PXDNL: variants seen among roughly 807,000 people sequenced by gnomAD.
The protein encoded by PXDNL is probable oxidoreductase PXDNL.
A neutral mutation model predicts 150.8 loss-of-function variants in PXDNL; 145 were observed. The ratio of observed to expected loss-of-function variants is 0.96; its 90% CI spans 0.84 to 1.10. The LOEUF is 1.10. Among genes scored for constraint, PXDNL ranks in the 50% least tolerant of loss-of-function variants. PXDNL has a pLI of 0.00. For synonymous variants in PXDNL, 757 were observed against 725.7 expected, an observed-to-expected ratio of 1.04 and a Z score of -0.69; for missense variants, 2,087 against 1,873.9, an observed-to-expected ratio of 1.11 and a Z score of -2.10.
intron 14 of PXDNL, among the ~76,000 whole-genome samples, chr8:51,420,577 G>A (rs10111324): frequency 0.038 from 5,763 of 152,170 alleles, 340 homozygotes; most frequent in African/African-American, 0.13. Context: ...TTATTTTACT[G>A]TATTATTATC....
Position 51,452,937 on chromosome 8 carries a change from C to CACATACACACACACACACAA in PXDNL, c.1249+581_1249+582insTTGTGTGTGTGTGTGTATGT, listed in dbSNP as rs1554541855. Among the ~76,000 whole-genome samples, 504 of 149,960 alleles carry CACATACACACACACACACAA rather than the reference C, an allele frequency of 3.4e-3. 5 individuals carry two copies. Among genetic ancestry groups the CACATACACACACACACACAA allele is most frequent in the Middle Eastern group, 0.014 (4 of 292 alleles). On this transcript the variant is annotated intron_variant, in intron 10 of 22. Coordinates refer to ENST00000356297, the MANE Select transcript of PXDNL (RefSeq NM_144651.5). ...ACACACACAAACGCACACACACAAACACACACACACACACACACATGCACG... is the reference window on the plus strand; with the variant it reads ...ACACACACAAACGCACACACACAAACACATACACACACACACACAAACACACACACACACACACATGCACG...
chr8:51,755,136 G>A (rs576571342), intron 1 of PXDNL, among the ~76,000 whole-genome samples: 1 of 152,224 alleles, frequency 6.6e-6, no homozygotes, highest in African/African-American at 2.4e-5. Flanking sequence ...TGAACAAAAG[G>A]ACAAATGGGC....
chr8:51,507,087 T>G (rs1429734150), intron 4 of PXDNL, among the ~76,000 whole-genome samples: 1 of 152,150 alleles, frequency 6.6e-6, no homozygotes, highest in Non-Finnish European at 1.5e-5. Context: ...ACTTATTGAG[T>G]GCCCGTGAAG....
intron 12 of PXDNL, among the ~76,000 whole-genome samples, chr8:51,433,237 A>G (rs1206417926): frequency 2.0e-5 from 3 of 149,144 alleles, no homozygotes; most frequent in Admixed American, 6.7e-5. Flanking sequence ...TAATAATAAT[A>G]ATAATAATAA....
At chr8:51,761,016 G>A (rs192688785) in intron 1 of PXDNL, among the ~76,000 whole-genome samples, 5,519 of 142,750 alleles carry the variant, frequency 0.039, 408 homozygotes, top group African/African-American at 0.14. Context: ...CCGCCACAAC[G>A]CCCGGCTAAT....
chr8:51,741,817 G>C (rs189505524), intron 1 of PXDNL, among the ~76,000 whole-genome samples: 35 of 152,302 alleles, frequency 2.3e-4, no homozygotes, highest in African/African-American at 7.9e-4. Context: ...CACAATTCTG[G>C]AAAATAATGT....
intron 19 of PXDNL, among the ~76,000 whole-genome samples, chr8:51,363,132 T>C (rs189322406): frequency 4.5e-4 from 69 of 152,302 alleles, no homozygotes; most frequent in Non-Finnish European, 8.8e-4. Context: ...GGAAGGGTTG[T>C]ATCCTCCAGG....
At chr8:51,700,373 G>C (rs1346196073) in intron 1 of PXDNL, among the ~76,000 whole-genome samples, 1 of 150,564 alleles carries the variant, frequency 6.6e-6, no homozygotes, top group Non-Finnish European at 1.5e-5. Flanking sequence ...ATATGCACAT[G>C]TATAGACACA....
intron 1 of PXDNL, among the ~76,000 whole-genome samples, chr8:51,681,417 T>C (rs1020699161): frequency 1.3e-5 from 2 of 152,202 alleles, no homozygotes; most frequent in Non-Finnish European, 2.9e-5. Flanking sequence ...TCCCACAGAA[T>C]CAAAAATGGG....
intron 5 of PXDNL, among the ~76,000 whole-genome samples, chr8:51,486,069 G>A (rs1412292274): frequency 6.6e-6 from 1 of 152,168 alleles, no homozygotes; most frequent in Non-Finnish European, 1.5e-5. Context: ...GTGCAGTTCT[G>A]CAAGATAACC....
intron 1 of PXDNL, among the ~76,000 whole-genome samples, chr8:51,671,942 A>G (rs1815506144): frequency 6.6e-6 from 1 of 152,232 alleles, no homozygotes; most frequent in South Asian, 2.1e-4. Context: ...ACCAAGAATT[A>G]GCATGGTTTC....
At chr8:51,491,604 G>T (rs368805001) in intron 5 of PXDNL, among the ~76,000 whole-genome samples, 17 of 152,122 alleles carry the variant, frequency 1.1e-4, no homozygotes, top group African/African-American at 4.1e-4. Flanking sequence ...CACCACCACT[G>T]CCATGGGCCT....
At chr8:51,488,923 C>T (rs1271832738) in intron 5 of PXDNL, among the ~76,000 whole-genome samples, 1 of 152,112 alleles carries the variant, frequency 6.6e-6, no homozygotes, top group African/African-American at 2.4e-5. Context: ...TACTCAGAGA[C>T]TGCAATATGT....
intron 1 of PXDNL, among the ~76,000 whole-genome samples, chr8:51,713,828 T>C (rs1786821253): frequency 1.3e-5 from 2 of 152,164 alleles, no homozygotes; most frequent in Admixed American, 6.5e-5. Context: ...TCCCAACAGA[T>C]AATAATGTTA....
chr8:51,672,833 G>T (rs1004555966), intron 1 of PXDNL, among the ~76,000 whole-genome samples: 17 of 151,998 alleles, frequency 1.1e-4, no homozygotes, highest in African/African-American at 2.4e-4. Context: ...TCAATGAAAA[G>T]AACTAAGAAA....
Position 51,409,054 on chromosome 8 carries a change from G to C in PXDNL, c.2570C>G (p.Ala857Gly), listed in dbSNP as rs1046055663. ...TRHADPRGTHAPCMLFARSSP... is the reference protein window; with the variant it reads ...TRHADPRGTHGPCMLFARSSP... ...GGAGCGCGCGAAGAGCATGCAGGGC[G>C]CGTGGGTGCCCCGGGGGTCGGCGTG... The change falls in exon 17 of 23, where the codon GCG (alanine) becomes GGG (glycine). Residue 857 changes from alanine (A) to glycine (G), a missense_variant. Transcript: ENST00000356297. The C allele has an allele frequency of 6.2e-7, 1 of 1,609,906 alleles. No homozygotes were observed. Among genetic ancestry groups the C allele is most frequent in the African/African-American group, 1.3e-5 (1 of 74,928 alleles).
intron 8 of PXDNL, among the ~76,000 whole-genome samples, chr8:51,465,328 A>G (rs1810180661): frequency 1.3e-5 from 2 of 152,186 alleles, no homozygotes; most frequent in Admixed American, 1.3e-4. Flanking sequence ...GATGTGGAGA[A>G]AGCTTTCTAT....
At chr8:51,677,505 T>C (rs1294265115) in intron 1 of PXDNL, among the ~76,000 whole-genome samples, 1 of 152,154 alleles carries the variant, frequency 6.6e-6, no homozygotes, top group East Asian at 1.9e-4. Flanking sequence ...CAATCCAGAG[T>C]TATCTGAGAG....
chr8:51,757,192 A>G (rs2037111435), intron 1 of PXDNL, among the ~76,000 whole-genome samples: 1 of 152,188 alleles, frequency 6.6e-6, no homozygotes, highest in African/African-American at 2.4e-5. Flanking sequence ...TAACAGTAGT[A>G]ACAAGGATAT....
Sources: gnomAD v4.1 joint callset for allele counts (sites outside exome capture counted in the v4.1 genomes callset) on GRCh38, gnomAD v4.1.1 for gene constraint, MANE v1.5 for transcripts, NCBI Gene and HGNC (gene_info 2026-07-23, HGNC 2026-07-21) for gene names.